The following CDYL2 variants were observed in gnomAD, a reference collection of about 807,000 sequenced individuals.
The protein encoded by CDYL2 is chromodomain Y-like protein 2.
A neutral mutation model predicts 49.4 loss-of-function variants in CDYL2; 23 were observed. The ratio of observed to expected loss-of-function variants is 0.47; its 90% confidence interval spans 0.34 to 0.66. The LOEUF (loss-of-function observed/expected upper bound fraction) is 0.66. Ranked by LOEUF, CDYL2 falls within the 30% of genes least tolerant of loss-of-function variation. CDYL2 has a pLI of 0.01. For synonymous variants in CDYL2, 360 were observed against 268.8 expected (o/e 1.34, Z -3.32); for missense variants, 678 against 656.4 (o/e 1.03, Z -0.36).
chr16:80,620,930 C>A lies in CDYL2; in HGVS notation c.840G>T (p.Met280Ile). The A allele has an allele frequency of 6.3e-7, 1 of 1,594,506 alleles. No homozygotes were observed. Among genetic ancestry groups the A allele is most frequent in the Non-Finnish European group, 8.6e-7 (1 of 1,167,010 alleles). Residue 280 changes from methionine to isoleucine, a missense_variant, in exon 4 of 7, where the codon ATG becomes ATT. Physicochemically the swap from Met to Ile is conservative, Grantham distance 10. This residue lies in a region of CDYL2 where 478 missense variants were observed against 427.0 expected (regional missense o/e 1.12). Transcript: ENST00000570137. Reference protein sequence around the residue: ...SDNNALTPEIMKEVRRALCNA... With the variant: ...SDNNALTPEIIKEVRRALCNA... Reference sequence around the variant, plus strand: ...TGCAGAGCGCTCGCCGGACTTCTTTCATGATCTGCCGGCAGAGATGAATTT... The same window carrying A: ...TGCAGAGCGCTCGCCGGACTTCTTTAATGATCTGCCGGCAGAGATGAATTT...
intron 1 of CDYL2, among the ~76,000 whole-genome samples, chr16:80,756,993 T>C (rs1906333601): frequency 6.6e-6 from 1 of 152,204 alleles, no homozygotes; most frequent in Non-Finnish European, 1.5e-5. Context: ...ATCATACTTA[T>C]GGTGATGTAA....
chr16:80,785,726 C>G (rs1396911904), intron 1 of CDYL2, among the ~76,000 whole-genome samples: 2 of 152,130 alleles, frequency 1.3e-5, no homozygotes, highest in African/African-American at 4.8e-5. Context: ...TACAAGGCTA[C>G]AGTAAACAAA....
chr16:80,657,700 A>C (rs373510591), intron 2 of CDYL2, among the ~76,000 whole-genome samples: 18 of 152,212 alleles, frequency 1.2e-4, no homozygotes, highest in African/African-American at 4.3e-4. Flanking sequence ...ATTGTGGGGG[A>C]GATACAGAAA....
At chr16:80,623,148 A>G (rs550820816) in intron 3 of CDYL2, among the ~76,000 whole-genome samples, 2 of 152,092 alleles carry the variant, frequency 1.3e-5, no homozygotes, top group Non-Finnish European at 2.9e-5. Context: ...CAGCAGCAAC[A>G]CATCCCTCAG....
intron 3 of CDYL2, among the ~76,000 whole-genome samples, chr16:80,626,253 G>C (rs552851358): frequency 6.9e-6 from 1 of 144,814 alleles, no homozygotes; most frequent in African/African-American, 2.6e-5. Context: ...CTCCAACCTC[G>C]GTGACAGAAT....
chr16:80,710,948 G>A (rs773863327), intron 1 of CDYL2, among the ~76,000 whole-genome samples: 1 of 152,182 alleles, frequency 6.6e-6, no homozygotes, highest in African/African-American at 2.4e-5. Context: ...ACATATTTTT[G>A]TAACAGTACA....
At chr16:80,746,738 C>T (rs894422146) in intron 1 of CDYL2, among the ~76,000 whole-genome samples, 4 of 152,120 alleles carry the variant, frequency 2.6e-5, no homozygotes, top group African/African-American at 7.2e-5. Flanking sequence ...ACCAGTGAGG[C>T]TGCAGGAGGT....
intron 1 of CDYL2, among the ~76,000 whole-genome samples, chr16:80,753,215 A>G (rs187480719): frequency 1.2e-4 from 19 of 152,254 alleles, no homozygotes; most frequent in African/African-American, 4.6e-4. Context: ...AGGACAATGT[A>G]GTAAGGAAAG....
intron 2 of CDYL2, among the ~76,000 whole-genome samples, chr16:80,665,818 G>A (rs1213163759): frequency 6.6e-6 from 1 of 152,166 alleles, no homozygotes; most frequent in African/African-American, 2.4e-5. Flanking sequence ...TAACTTCCAT[G>A]GAAAAGTCAC....
chr16:80,739,135 G>T (rs1905644794), intron 1 of CDYL2, among the ~76,000 whole-genome samples: 1 of 152,196 alleles, frequency 6.6e-6, no homozygotes, highest in African/African-American at 2.4e-5. Flanking sequence ...ACGTCACGCT[G>T]AATGAAATAA....
rs750626637 is a variant in CDYL2 at position 80,643,214 on chromosome 16, A to G, written c.617-9978T>C. Among the ~76,000 whole-genome samples, 5 of 152,228 alleles carry G rather than the reference A, an allele frequency of 3.3e-5. 1 individual carries two copies. The highest frequency in any genetic ancestry group is 5.9e-5 in the Non-Finnish European group (4 of 68,034). On this transcript the variant is annotated intron_variant, in intron 2 of 6. Coordinates refer to ENST00000570137, the MANE Select transcript of CDYL2 (RefSeq NM_152342.4). The stretch of plus-strand genomic sequence containing the variant: ...AAATCCAGCAGGGCAGTCAAATTTT[A>G]AAGCTCCAAAATGATCTCCTTTGAC...
intron 1 of CDYL2, among the ~76,000 whole-genome samples, chr16:80,765,593 C>T (rs576937361): frequency 1.3e-5 from 2 of 152,010 alleles, no homozygotes; most frequent in African/African-American, 4.8e-5. Context: ...AGCCGATCTG[C>T]ACGCAAAAAC....
intron 6 of CDYL2, 146 bp from the exon 7 acceptor site, chr16:80,604,692 T>C (rs1906253917): frequency 2.6e-6 from 2 of 772,642 alleles, no homozygotes; most frequent in Non-Finnish European, 4.3e-6. Flanking sequence ...CCCAGTCCCA[T>C]GTTTCCAGCA....
chr16:80,720,578 G>C (rs1246186069), intron 1 of CDYL2, among the ~76,000 whole-genome samples: 1 of 152,204 alleles, frequency 6.6e-6, no homozygotes, highest in Admixed American at 6.5e-5. Context: ...TTTTGCTCAG[G>C]AGTATCCATC....
intron 1 of CDYL2, among the ~76,000 whole-genome samples, chr16:80,744,048 A>C (rs1331774583): frequency 2.1e-5 from 1 of 48,142 alleles, no homozygotes; most frequent in African/African-American, 3.8e-5. Flanking sequence ...TCACCCATTT[A>C]ATATGTTCAA....
chr16:80,749,500 G>A (rs1906054768), intron 1 of CDYL2, among the ~76,000 whole-genome samples: 1 of 151,806 alleles, frequency 6.6e-6, no homozygotes, highest in African/African-American at 2.4e-5. Flanking sequence ...AGAAAACAAT[G>A]AAAAGCAAAA....
chr16:80,744,366 TC>T (rs1275163539), intron 1 of CDYL2, among the ~76,000 whole-genome samples: 2 of 152,146 alleles, frequency 1.3e-5, no homozygotes, highest in Non-Finnish European at 2.9e-5. Flanking sequence ...GAGATTTCTT[TC>T]CCCTTCACAC....
chr16:80,665,538 G>T (rs531868714), intron 2 of CDYL2, among the ~76,000 whole-genome samples: 1 of 140,108 alleles, frequency 7.1e-6, no homozygotes, highest in African/African-American at 2.8e-5. Context: ...AGCAAAAACC[G>T]CAATTACTTT....
Position 80,629,595 on chromosome 16 carries a change from T to C in CDYL2, c.834+3424A>G, listed in dbSNP as rs111381133. Among the ~76,000 whole-genome samples, 13 of 152,320 alleles carry C rather than the reference T, an allele frequency of 8.5e-5. 1 individual carries two copies. The highest frequency in any genetic ancestry group is 3.1e-4 in the African/African-American group (13 of 41,578). ...ACTGTGTCATCTGTTTCACTGACTCTTTCCTTAAGGGGCATTTCTGTTCAT... is the reference window on the plus strand; with the variant it reads ...ACTGTGTCATCTGTTTCACTGACTCCTTCCTTAAGGGGCATTTCTGTTCAT... On this transcript the variant is annotated intron_variant, in intron 3 of 6. Transcript: ENST00000570137.
Sources: allele counts gnomAD v4.1 joint callset (sites outside exome capture counted in the v4.1 genomes callset), GRCh38; gene constraint gnomAD v4.1.1; regional missense constraint gnomAD v4.1.1; transcripts MANE v1.5; gene names NCBI Gene and HGNC (gene_info 2026-07-23, HGNC 2026-07-21).